The following TOX variants were observed in gnomAD, a reference collection of about 807,000 sequenced individuals.
TOX encodes the protein thymocyte selection-associated high mobility group box protein TOX.
In TOX, 11 loss-of-function variants were observed where a neutral mutation model predicts 53.7. The observed-to-expected ratio is 0.20, with a 90% CI of 0.13 to 0.34. The LOEUF (loss-of-function observed/expected upper bound fraction) is 0.34, where lower values mean the gene tolerates loss of function less well. TOX is among the 10% of genes least tolerant of loss of function. The pLI is 1.00. For synonymous variants in TOX, 225 were observed against 245.3 expected (o/e 0.92, Z 0.77); for missense variants, 570 against 664.6 (o/e 0.86, Z 1.56).
At chr8:58,982,187 G>A (rs1259280769) in intron 1 of TOX, among the ~76,000 whole-genome samples, 1 of 151,988 alleles carries the variant, frequency 6.6e-6, no homozygotes, top group Non-Finnish European at 1.5e-5. Context: ...CCCTCATTCA[G>A]AACTGACAGC....
At chr8:59,077,841 G>A (rs756480094) in intron 1 of TOX, among the ~76,000 whole-genome samples, 60 of 152,274 alleles carry the variant, frequency 3.9e-4, no homozygotes, top group Non-Finnish European at 5.4e-4. Context: ...AGAGGCAATT[G>A]AAAGCCTGGC....
At position 59,107,052 on chromosome 8, in the gene TOX, G is replaced by GC. The variant is rs200271621; in HGVS notation, c.102+11833_102+11834insG. 8.2e-5 allele frequency among the ~76,000 whole-genome samples: 11 copies of GC among 133,938 alleles called. 3 individuals carry two copies. The highest frequency in any genetic ancestry group is 3.0e-4 in the Admixed American group (4 of 13,158). The allele number at this position is 133,938 out of a possible 152,430, so 87.9% of individuals were successfully genotyped here. On this transcript the variant is annotated intron_variant, in intron 1 of 8. Coordinates refer to ENST00000361421, the MANE Select transcript of TOX (RefSeq NM_014729.3). ...ATCTTATAAAGCAGTTTGCTGGGGG[G>GC]GGGGGGAACGTGACATTTCTAATTC...
At chr8:58,915,181 C>T (rs1462534086) in intron 3 of TOX, among the ~76,000 whole-genome samples, 1 of 151,408 alleles carries the variant, frequency 6.6e-6, no homozygotes, top group African/African-American at 2.4e-5. Context: ...GGGGAAGCTC[C>T]AACTGGGTGG....
At chr8:58,889,371 A>G (rs1811524871) in intron 3 of TOX, among the ~76,000 whole-genome samples, 1 of 152,042 alleles carries the variant, frequency 6.6e-6, no homozygotes, top group African/African-American at 2.4e-5. Flanking sequence ...AGGAGAGAAA[A>G]GAAAGGAGCG....
intron 3 of TOX, among the ~76,000 whole-genome samples, chr8:58,865,332 T>A (rs1285117836): frequency 3.3e-5 from 5 of 152,182 alleles, no homozygotes; most frequent in Non-Finnish European, 7.4e-5. Context: ...TGAATATTCA[T>A]GCCAACAATC....
chr8:58,840,660 A>C (rs551738238), intron 4 of TOX, among the ~76,000 whole-genome samples: 1 of 152,336 alleles, frequency 6.6e-6, no homozygotes, highest in South Asian at 2.1e-4. Context: ...ACAAACAAGC[A>C]AAATTTTTCT....
At chr8:58,907,944 A>G (rs1563386031) in intron 3 of TOX, among the ~76,000 whole-genome samples, 1 of 152,172 alleles carries the variant, frequency 6.6e-6, no homozygotes, top group Non-Finnish European at 1.5e-5. Flanking sequence ...GTCAACTTTT[A>G]TCTTAAGTTT....
chr8:59,102,575 T>A (rs1450705297), intron 1 of TOX, among the ~76,000 whole-genome samples: 1 of 152,098 alleles, frequency 6.6e-6, no homozygotes, highest in Non-Finnish European at 1.5e-5. Flanking sequence ...ACCCGTTCAC[T>A]ATCACAAGAA....
At chr8:59,016,590 CTATT>C (rs1018713248) in intron 1 of TOX, among the ~76,000 whole-genome samples, 8 of 152,112 alleles carry the variant, frequency 5.3e-5, no homozygotes, top group Admixed American at 2.0e-4. Flanking sequence ...TGTAAAACTG[CTATT>C]TATTTATCAT....
chr8:58,892,808 G>C (rs181278743), intron 3 of TOX, among the ~76,000 whole-genome samples: 1 of 152,094 alleles, frequency 6.6e-6, no homozygotes, highest in Non-Finnish European at 1.5e-5. Flanking sequence ...GTACGACCTT[G>C]GGCAAGTCAC....
intron 3 of TOX, among the ~76,000 whole-genome samples, chr8:58,908,888 T>C (rs1420192520): frequency 1.3e-5 from 2 of 152,264 alleles, no homozygotes; most frequent in African/African-American, 2.4e-5. Context: ...CTCTACTTTA[T>C]ACAAAGTATT....
rs563026495 is a variant in TOX at position 59,015,269 on chromosome 8, G to A, written c.103-55261C>T. Among the ~76,000 whole-genome samples the A allele has an allele frequency of 3.3e-5, 5 of 152,254 alleles. No homozygotes were observed. In the East Asian group the frequency reaches 7.7e-4, roughly 23 times the overall value. On this transcript the variant is annotated intron_variant, in intron 1 of 8. Transcript: ENST00000361421. ...CAGCACGGGACACTGCTAATATCATGAGCCCCTACTGCTAGGTGCAGACAT... is the reference window on the plus strand; with the variant it reads ...CAGCACGGGACACTGCTAATATCATAAGCCCCTACTGCTAGGTGCAGACAT...
At chr8:58,991,154 C>T (rs992763447) in intron 1 of TOX, among the ~76,000 whole-genome samples, 2 of 152,200 alleles carry the variant, frequency 1.3e-5, no homozygotes, top group African/African-American at 2.4e-5. Flanking sequence ...GGTCCCAACA[C>T]CCCATGGTGG....
intron 1 of TOX, among the ~76,000 whole-genome samples, chr8:59,116,560 T>C (rs1206843155): frequency 6.6e-6 from 1 of 152,194 alleles, no homozygotes. Context: ...TGCCTGGGAT[T>C]TGTGGGGCCT....
intron 3 of TOX, among the ~76,000 whole-genome samples, chr8:58,908,466 G>C (rs1811856474): frequency 1.3e-5 from 2 of 152,134 alleles, no homozygotes; most frequent in Admixed American, 6.5e-5. Flanking sequence ...TGCCTTGAAA[G>C]CTGGCCCTTC....
intron 1 of TOX, among the ~76,000 whole-genome samples, chr8:58,963,959 T>G (rs961312636): frequency 6.6e-6 from 1 of 152,176 alleles, no homozygotes; most frequent in Non-Finnish European, 1.5e-5. Flanking sequence ...GGTGGTGACT[T>G]GAGAAGAGGA....
intron 3 of TOX, among the ~76,000 whole-genome samples, chr8:58,887,958 C>A (rs561739303): frequency 6.6e-6 from 1 of 152,154 alleles, no homozygotes; most frequent in East Asian, 1.9e-4. Flanking sequence ...ATATAATGTA[C>A]TTACACAAAG....
intron 3 of TOX, among the ~76,000 whole-genome samples, chr8:58,891,094 C>A (rs1341752479): frequency 6.6e-6 from 1 of 152,042 alleles, no homozygotes; most frequent in Admixed American, 6.6e-5. Flanking sequence ...AGGAAAAGGG[C>A]AGGCCACCTT....
chr8:58,865,563 G>A (rs1282337584), intron 3 of TOX, among the ~76,000 whole-genome samples: 2 of 151,916 alleles, frequency 1.3e-5, no homozygotes, highest in Non-Finnish European at 2.9e-5. Context: ...AATTATAATT[G>A]TGAAGTTTTG....
Sources: gnomAD v4.1 joint callset for allele counts (sites outside exome capture counted in the v4.1 genomes callset) on GRCh38, gnomAD v4.1.1 for gene constraint, MANE v1.5 for transcripts, NCBI Gene and HGNC (gene_info 2026-07-23, HGNC 2026-07-21) for gene names.